The following ZBTB16 variants were observed in gnomAD, a reference collection of about 807,000 sequenced individuals.
ZBTB16 encodes zinc finger and BTB domain-containing protein 16.
ZBTB16 carries 8 observed loss-of-function variants against 56.8 expected under a neutral mutation model. The ratio of observed to expected loss-of-function variants is 0.14; its 90% confidence interval spans 0.08 to 0.25. The LOEUF (loss-of-function observed/expected upper bound fraction) is 0.25. ZBTB16 is among the 10% of genes least tolerant of loss of function. The pLI is 1.00. For missense variants in ZBTB16, 625 were observed against 903.0 expected (o/e 0.69, Z 3.95); for synonymous variants, 363 against 368.5 (o/e 0.98, Z 0.17).
intron 2 of ZBTB16, among the ~76,000 whole-genome samples, chr11:114,095,245 C>CTTTTTTTTTTT (rs745895999): frequency 6.6e-5 from 6 of 90,480 alleles, no homozygotes; most frequent in African/African-American, 3.1e-4. Flanking sequence ...CTTTTCTTTT[C>CTTTTTTTTTTT]TTTTTTTTTT....
chr11:114,162,869 A>C (rs1445179455), intron 3 of ZBTB16, among the ~76,000 whole-genome samples: 1 of 152,106 alleles, frequency 6.6e-6, no homozygotes, highest in African/African-American at 2.4e-5. Flanking sequence ...TCTTGAACAC[A>C]CTTCTCTTTC....
intron 4 of ZBTB16, among the ~76,000 whole-genome samples, chr11:114,240,115 C>T (rs1310867942): frequency 3.3e-5 from 5 of 152,178 alleles, no homozygotes; most frequent in Non-Finnish European, 7.3e-5. Flanking sequence ...TTCTCCTTCC[C>T]TGCTCAGCCT....
intron 2 of ZBTB16, among the ~76,000 whole-genome samples, chr11:114,087,885 A>T (rs775103655): frequency 1.5e-4 from 23 of 152,112 alleles, no homozygotes; most frequent in Middle Eastern, 3.2e-3. Flanking sequence ...CTGTGTTACA[A>T]CCTTTTAGTC....
chr11:114,090,566 C>T (rs1457951760), intron 2 of ZBTB16, among the ~76,000 whole-genome samples: 1 of 152,206 alleles, frequency 6.6e-6, no homozygotes, highest in Non-Finnish European at 1.5e-5. Context: ...TTTTGGAGGG[C>T]TGGGCTGAGG....
At chr11:114,173,863 A>G (rs1943035764) in intron 3 of ZBTB16, among the ~76,000 whole-genome samples, 1 of 152,206 alleles carries the variant, frequency 6.6e-6, no homozygotes, top group Non-Finnish European at 1.5e-5. Context: ...TTCTACTTTC[A>G]GTGAATGCAA....
intron 4 of ZBTB16, among the ~76,000 whole-genome samples, chr11:114,213,601 A>G (rs1171696895): frequency 1.3e-5 from 2 of 152,216 alleles, no homozygotes; most frequent in African/African-American, 2.4e-5. Flanking sequence ...CTTACCTCAG[A>G]CTGTGTTATT....
intron 2 of ZBTB16, among the ~76,000 whole-genome samples, chr11:114,099,692 CT>C (rs1198453278): frequency 1.3e-5 from 2 of 152,122 alleles, no homozygotes; most frequent in African/African-American, 4.8e-5. Flanking sequence ...GGTAGTCAGC[CT>C]TGGAGGGAGA....
chr11:114,142,978 TAGTG>T (rs1463674585), intron 2 of ZBTB16, among the ~76,000 whole-genome samples: 1 of 152,110 alleles, frequency 6.6e-6, no homozygotes, highest in Non-Finnish European at 1.5e-5. Flanking sequence ...AGGGAGGAGT[TAGTG>T]AGTGGGGCTG....
chr11:114,155,382 G>A (rs1425598802), intron 2 of ZBTB16, among the ~76,000 whole-genome samples: 1 of 152,254 alleles, frequency 6.6e-6, no homozygotes, highest in Non-Finnish European at 1.5e-5. Context: ...CTCCCTGCTA[G>A]CGCACCCGGT....
chr11:114,247,475 A>G lies in ZBTB16; in HGVS notation c.1792+110A>G, dbSNP rs1944838307. On this transcript the variant is annotated intron_variant, in intron 6 of 6. Coordinates refer to ENST00000335953, the MANE Select transcript of ZBTB16 (RefSeq NM_006006.6). ...TGAGGATGATCCCAGGCTGAATCAAAGAGTAGAAGAGGTTCTATTAAGAGC... is the reference window on the plus strand; with the variant it reads ...TGAGGATGATCCCAGGCTGAATCAAGGAGTAGAAGAGGTTCTATTAAGAGC... 5 of 1,463,802 alleles carry G rather than the reference A, an allele frequency of 3.4e-6. No homozygotes were observed. The Admixed American group carries it at 9.2e-5, about 27-fold the overall frequency. The allele number at this position is 1,463,802 out of a possible 1,614,324, so 90.7% of individuals were successfully genotyped here. A position where few individuals can be genotyped will look rare whatever the true frequency, so the allele number is the denominator to read the frequency against.
intron 4 of ZBTB16, among the ~76,000 whole-genome samples, chr11:114,191,567 G>T (rs577528124): frequency 6.6e-6 from 1 of 152,130 alleles, no homozygotes; most frequent in Admixed American, 6.5e-5. Context: ...CCCAACTCAC[G>T]TGCTCTTTCC....
chr11:114,224,012 C>T (rs1944286148), intron 4 of ZBTB16, among the ~76,000 whole-genome samples: 1 of 151,980 alleles, frequency 6.6e-6, no homozygotes, highest in Non-Finnish European at 1.5e-5. Flanking sequence ...GGTGAAAGGC[C>T]CTTGAAAACC....
At position 114,130,143 on chromosome 11, in the gene ZBTB16, T is replaced by G. The variant is rs190939513; in HGVS notation, c.1269-26194T>G. The stretch of plus-strand genomic sequence containing the variant: ...TGTTAGCTTGGGAGGGAGGCCTGTT[T>G]GCTTTGAAGGCACACTCTCTTTCTG... On this transcript the variant is annotated intron_variant, in intron 2 of 6. Coordinates refer to ENST00000335953, the MANE Select transcript of ZBTB16 (RefSeq NM_006006.6). Among the ~76,000 whole-genome samples the G allele has an allele frequency of 1.3e-3, 205 of 152,278 alleles. 1 individual carries two copies. Among genetic ancestry groups the G allele is most frequent in the Non-Finnish European group, 2.6e-3 (177 of 68,014 alleles).
intron 4 of ZBTB16, among the ~76,000 whole-genome samples, chr11:114,225,690 A>G (rs1409221288): frequency 1.3e-5 from 2 of 152,182 alleles, no homozygotes; most frequent in Non-Finnish European, 2.9e-5. Flanking sequence ...CATTAAGATC[A>G]AGTTTTCAAC....
intron 2 of ZBTB16, among the ~76,000 whole-genome samples, chr11:114,110,292 G>A (rs74816613): frequency 0.081 from 12,295 of 152,210 alleles, 706 homozygotes; most frequent in East Asian, 0.15. Context: ...GTCTTCTGTG[G>A]CAACCTGTGC....
intron 2 of ZBTB16, among the ~76,000 whole-genome samples, chr11:114,145,634 G>C (rs1451108404): frequency 6.6e-6 from 1 of 152,172 alleles, no homozygotes; most frequent in Admixed American, 6.5e-5. Flanking sequence ...CAAAGGCTGG[G>C]GGTTGAGGGG....
At chr11:114,180,822 A>C (rs539070285) in intron 3 of ZBTB16, 2 of 152,424 alleles carry the variant, frequency 1.3e-5, no homozygotes, top group East Asian at 3.9e-4. Context: ...GTAAAGCCCA[A>C]GACAGGTGGG....
intron 2 of ZBTB16, among the ~76,000 whole-genome samples, chr11:114,114,205 C>T (rs1276180811): frequency 2.0e-5 from 3 of 152,196 alleles, no homozygotes; most frequent in Non-Finnish European, 4.4e-5. Flanking sequence ...TCCATGTCGG[C>T]CACAATGTTG....
At chr11:114,226,110 A>G in intron 4 of ZBTB16, among the ~76,000 whole-genome samples, 1 of 152,146 alleles carries the variant, frequency 6.6e-6, no homozygotes, top group East Asian at 1.9e-4. Flanking sequence ...TTTTCTTATC[A>G]TTGTGTAGCC....
Sources: gnomAD v4.1 joint callset for allele counts (sites outside exome capture counted in the v4.1 genomes callset) on GRCh38, gnomAD v4.1.1 for gene constraint, MANE v1.5 for transcripts, NCBI Gene and HGNC (gene_info 2026-07-23, HGNC 2026-07-21) for gene names.